The following STAG1 variants were observed in gnomAD, a reference collection of about 807,000 sequenced individuals.
STAG1 encodes STAG1 cohesin complex component.
Under a neutral mutation model 170.9 loss-of-function variants are expected in STAG1, and 26 were observed. That is an observed-to-expected ratio of 0.15 (90% CI 0.11 to 0.21). The LOEUF is 0.21. Among genes scored for constraint, STAG1 ranks in the 10% least tolerant of loss-of-function variants. The probability of loss-of-function intolerance (pLI) is 1.00; values close to 1 mark genes in which losing one functional copy is unlikely to be tolerated. For missense variants in STAG1, 964 were observed against 1,509.5 expected (o/e 0.64, Z 5.99); for synonymous variants, 514 against 497.7 (o/e 1.03, Z -0.44).
intron 30 of STAG1, among the ~76,000 whole-genome samples, chr3:136,343,285 A>G (rs1936059549): frequency 6.6e-6 from 1 of 152,204 alleles, no homozygotes; most frequent in Non-Finnish European, 1.5e-5. Context: ...GTACTAGAAA[A>G]CATTTTAATT....
chr3:136,360,726 T>C (rs939643022), intron 26 of STAG1, among the ~76,000 whole-genome samples: 6 of 152,206 alleles, frequency 3.9e-5, no homozygotes, highest in South Asian at 2.1e-4. Flanking sequence ...TGGAGTGCAA[T>C]GGCATGATCT....
chr3:136,456,116 A>G lies in STAG1; in HGVS notation c.1314-3969T>C, dbSNP rs1004869662. On this transcript the variant is annotated intron_variant, in intron 13 of 33. Transcript: ENST00000383202. The stretch of plus-strand genomic sequence containing the variant: ...AAATACACAAGCATCAACTTAAGTC[A>G]GGGAAATATTACACTACCAAACAAA... Among the ~76,000 whole-genome samples the G allele has an allele frequency of 2.6e-5, 4 of 152,228 alleles. No homozygotes were observed. In the East Asian group the frequency reaches 7.7e-4, roughly 29 times the overall value.
At chr3:136,461,882 C>G (rs2089284545) in intron 13 of STAG1, among the ~76,000 whole-genome samples, 1 of 152,076 alleles carries the variant, frequency 6.6e-6, no homozygotes, top group African/African-American at 2.4e-5. Context: ...TACAAATGGG[C>G]AAATGATCTG....
chr3:136,442,042 A>G (rs1183021730), intron 15 of STAG1, among the ~76,000 whole-genome samples: 1 of 152,212 alleles, frequency 6.6e-6, no homozygotes, highest in Non-Finnish European at 1.5e-5. Flanking sequence ...TAATAAAAGT[A>G]CAAAAATTAG....
At chr3:136,692,811 G>C (rs1426725552) in intron 1 of STAG1, among the ~76,000 whole-genome samples, 4 of 152,120 alleles carry the variant, frequency 2.6e-5, no homozygotes, top group Non-Finnish European at 4.4e-5. Context: ...CTTAATTATA[G>C]GTTTTCCAAC....
chr3:136,750,924 A>G (rs1383581844), intron 1 of STAG1, among the ~76,000 whole-genome samples: 1 of 152,340 alleles, frequency 6.6e-6, no homozygotes, highest in Non-Finnish European at 1.5e-5. Context: ...ACTCTTCTGT[A>G]TATTTCCCTA....
chr3:136,651,163 A>T (rs1349389720), intron 1 of STAG1, among the ~76,000 whole-genome samples: 2 of 152,052 alleles, frequency 1.3e-5, no homozygotes, highest in African/African-American at 2.4e-5. Context: ...CCAGGAGTTC[A>T]AGACCAGCAT....
At chr3:136,674,348 C>T (rs921348574) in intron 1 of STAG1, among the ~76,000 whole-genome samples, 1 of 152,142 alleles carries the variant, frequency 6.6e-6, no homozygotes, top group Non-Finnish European at 1.5e-5. Flanking sequence ...AATGCAAAAA[C>T]ATGCATGACT....
At chr3:136,378,187 A>AT (rs1937713383) in intron 22 of STAG1, among the ~76,000 whole-genome samples, 1 of 152,218 alleles carries the variant, frequency 6.6e-6, no homozygotes, top group South Asian at 2.1e-4. Context: ...AGAAAGATAA[A>AT]TTTAAGACAG....
At chr3:136,425,618 G>A (rs1344469629) in intron 16 of STAG1, among the ~76,000 whole-genome samples, 2 of 151,302 alleles carry the variant, frequency 1.3e-5, no homozygotes, top group Non-Finnish European at 2.9e-5. Context: ...AATTCAAAGA[G>A]GTAAAAACTC....
intron 4 of STAG1, among the ~76,000 whole-genome samples, chr3:136,595,195 A>C (rs1938369338): frequency 6.6e-6 from 1 of 152,238 alleles, no homozygotes; most frequent in East Asian, 1.9e-4. Flanking sequence ...ACACAGCTTG[A>C]AAGTTCCAAA....
At chr3:136,500,101 T>C (rs1260913364) in intron 9 of STAG1, 122 bp downstream of exon 9, 2 of 656,370 alleles carry the variant, frequency 3.0e-6, no homozygotes, top group African/African-American at 1.9e-5. Context: ...ACAGCCAAAG[T>C]TGTTTTCCAG....
intron 4 of STAG1, among the ~76,000 whole-genome samples, chr3:136,590,481 A>G (rs1938106332): frequency 6.6e-6 from 1 of 151,788 alleles, no homozygotes; most frequent in South Asian, 2.1e-4. Flanking sequence ...TGACAGAACA[A>G]GACTCTGTCT....
chr3:136,741,707 A>G (rs1182374691), intron 1 of STAG1, among the ~76,000 whole-genome samples: 1 of 152,122 alleles, frequency 6.6e-6, no homozygotes, highest in African/African-American at 2.4e-5. Context: ...ACCTCAGATG[A>G]TCCGCCTGCC....
intron 5 of STAG1, among the ~76,000 whole-genome samples, chr3:136,555,420 A>G (rs1936573236): frequency 6.6e-6 from 1 of 151,752 alleles, no homozygotes; most frequent in Non-Finnish European, 1.5e-5. Flanking sequence ...ACAGTGGCTC[A>G]AGCCTGTAAT....
At chr3:136,668,389 A>ATTTT (rs1193660139) in intron 1 of STAG1, among the ~76,000 whole-genome samples, 1 of 146,352 alleles carries the variant, frequency 6.8e-6, no homozygotes, top group Non-Finnish European at 1.5e-5. Flanking sequence ...CATAATATAT[A>ATTTT]AAATATATAT....
intron 6 of STAG1, among the ~76,000 whole-genome samples, chr3:136,524,256 C>T (rs554972801): frequency 4.7e-4 from 72 of 152,216 alleles, no homozygotes; most frequent in Non-Finnish European, 7.8e-4. Flanking sequence ...TTGTTTGTGT[C>T]GTCTTTTATT....
At chr3:136,639,459 A>C (rs952456615) in intron 1 of STAG1, among the ~76,000 whole-genome samples, 1 of 152,236 alleles carries the variant, frequency 6.6e-6, no homozygotes, top group Non-Finnish European at 1.5e-5. Context: ...ATATTTTACA[A>C]ATCAATCTAC....
chr3:136,345,138 G>A (rs765029806), intron 29 of STAG1, among the ~76,000 whole-genome samples: 3 of 152,124 alleles, frequency 2.0e-5, no homozygotes, highest in Non-Finnish European at 4.4e-5. Context: ...GTCGCAGGCT[G>A]TAGTACAGTG....
Sources: allele counts gnomAD v4.1 joint callset (sites outside exome capture counted in the v4.1 genomes callset), GRCh38; gene constraint gnomAD v4.1.1; transcripts MANE v1.5; gene names NCBI Gene and HGNC (gene_info 2026-07-23, HGNC 2026-07-21).